The following NFKBID variants were observed in gnomAD, a reference collection of about 807,000 sequenced individuals.
NFKBID encodes NFKB inhibitor delta, also known as NF-kappa-B inhibitor delta.
In NFKBID, 26 loss-of-function variants were observed where a neutral mutation model predicts 53.4. That is an observed-to-expected ratio of 0.49 (90% confidence interval 0.36 to 0.68). The LOEUF (loss-of-function observed/expected upper bound fraction) is 0.68, where lower values mean the gene tolerates loss of function less well. Among genes scored for constraint, NFKBID ranks in the 30% least tolerant of loss-of-function variants. The pLI is 0.00. For synonymous variants in NFKBID, 262 were observed against 259.8 expected, an observed-to-expected ratio of 1.01 and a Z score of -0.08; for missense variants, 493 against 614.1, an observed-to-expected ratio of 0.80 and a Z score of 2.08.
Position 35,897,094 on chromosome 19 carries a change from C to T in NFKBID, c.433-36G>A, listed in dbSNP as rs970387040. On this transcript the variant is annotated intron_variant, in intron 4 of 11. Transcript: ENST00000641389. ...GAAGATCCTACATAGAACTGGGTGT[C>T]TGGGGGGTCCTGGAGGGTGCAGGTG... The T allele has an allele frequency of 3.8e-6, 6 of 1,582,580 alleles. No individual in the cohort carries two copies. The African/African-American group carries it at 8.3e-5, about 22-fold the overall frequency.
intron 3 of NFKBID, among the ~76,000 whole-genome samples, chr19:35,898,183 T>C (rs765741696): frequency 4.6e-5 from 7 of 151,958 alleles, no homozygotes; most frequent in Non-Finnish European, 1.0e-4. Context: ...ACCCCGTTTC[T>C]ACAAAAATTT....
At chr19:35,900,368 G>A (rs1975493562) in intron 1 of NFKBID, 74 bp downstream of exon 1, 3 of 1,112,250 alleles carry the variant, frequency 2.7e-6, no homozygotes, top group Non-Finnish European at 2.3e-6. Context: ...CGTCCCTCAG[G>A]GCCTCGGGAG....
chr19:35,889,045 C>CAAAAA (rs537535858), intron 11 of NFKBID, among the ~76,000 whole-genome samples: 1 of 105,814 alleles, frequency 9.5e-6, no homozygotes. Flanking sequence ...ACTCCGCCTC[C>CAAAAA]AAAAAAAAAA....
chr19:35,891,230 T>C (rs763658350), intron 9 of NFKBID, among the ~76,000 whole-genome samples: 4 of 152,158 alleles, frequency 2.6e-5, no homozygotes, highest in Non-Finnish European at 5.9e-5. Context: ...CCCATCATAT[T>C]TGGGGGAAAA....
rs1276371723 is a variant in NFKBID at position 35,898,535 on chromosome 19, G to A, written c.166-3C>T. On this transcript the variant is annotated splice_region_variant and splice_polypyrimidine_tract_variant and intron_variant, in intron 2 of 11. Transcript: ENST00000641389. ...TCTGGGGGAGGGAGAAATTGTCCCT[G>A]TAGAGACAAAAGCAAAAAGGAACCC... The A allele has an allele frequency of 6.5e-7, 1 of 1,528,676 alleles. No homozygotes were observed. Among genetic ancestry groups the A allele is most frequent in the African/African-American group, 1.4e-5 (1 of 72,280 alleles). 94.7% of individuals were successfully genotyped at this position (1,528,676 alleles called of 1,614,324 possible).
chr19:35,889,909 G>A, exon 11 of NFKBID: 1 of 1,610,022 alleles, frequency 6.2e-7, no homozygotes. Context: ...GCCCGGCCCG[G>A]GCCGCAGCAG....
intron 11 of NFKBID, among the ~76,000 whole-genome samples, chr19:35,888,982 T>C (rs1316798154): frequency 6.6e-6 from 1 of 151,290 alleles, no homozygotes; most frequent in African/African-American, 2.4e-5. Context: ...GAGGTGGAGC[T>C]TGCGGTGAGC....
exon 1 of NFKBID, chr19:35,900,519 G>C: frequency 8.1e-7 from 1 of 1,231,786 alleles, no homozygotes; most frequent in East Asian, 3.2e-5. Context: ...TGTTTCCCCC[G>C]CGGAGCCGCC....
chr19:35,892,995 C>G (rs1044420958), intron 9 of NFKBID, among the ~76,000 whole-genome samples: 3 of 152,052 alleles, frequency 2.0e-5, no homozygotes, highest in Non-Finnish European at 4.4e-5. Flanking sequence ...TGAGACCCCC[C>G]CTCTCTACAA....
upstream of NFKBID, among the ~76,000 whole-genome samples, chr19:35,900,970 C>G (rs1401957052): frequency 6.6e-6 from 1 of 151,752 alleles, no homozygotes; most frequent in Non-Finnish European, 1.5e-5. Flanking sequence ...GTAGCTGACA[C>G]TACAGGTGCT....
intron 11 of NFKBID, 48 bp downstream of exon 11, chr19:35,889,841 GC>G (rs1568484251): frequency 2.6e-6 from 4 of 1,543,864 alleles, no homozygotes; most frequent in East Asian, 2.3e-5. Context: ...GTCATCCCGC[GC>G]CCGCGAGCTC....
rs529473931 is a variant in NFKBID at position 35,900,014 on chromosome 19, C to A, written c.61+428G>T. Among the ~76,000 whole-genome samples, 629 of 148,656 alleles carry A rather than the reference C, an allele frequency of 4.2e-3. 2 individuals are homozygous for A. The highest frequency in any genetic ancestry group is 6.5e-3 in the Non-Finnish European group (439 of 67,230). ...GAGGCAGGGTCACCGCCAGCGTAGA[C>A]CCTGAGGCCAGGCTCCGGACCCTTC... On this transcript the variant is annotated intron_variant, in intron 1 of 11. Coordinates refer to ENST00000641389, the Ensembl canonical transcript of NFKBID.
rs199629484 is a variant in NFKBID at position 35,896,563 on chromosome 19, T to A, written c.685-25A>T. 3 of 1,612,494 alleles carry A rather than the reference T, an allele frequency of 1.9e-6. No individual in the cohort carries two copies. The East Asian group carries it at 6.7e-5, about 36-fold the overall frequency. On this transcript the variant is annotated intron_variant, in intron 6 of 11. Transcript: ENST00000641389. This position sits in a 1 kb window ranked among gnomAD's most constrained non-coding sequence, Gnocchi z 5.7. ...TCTGCAGGCCACAGGAGAAGTCAGG[T>A]TGGGCTCCTGGTTCCCTCCCGTCAG... is the stretch of plus-strand genomic sequence containing the variant.
At chr19:35,892,543 C>CAAAAAAAAAAGAAAAAAAAAAAAAAAA (rs1974843064) in intron 9 of NFKBID, among the ~76,000 whole-genome samples, 1 of 112,270 alleles carries the variant, frequency 8.9e-6, no homozygotes, top group African/African-American at 3.4e-5. Context: ...GACTCCATCT[C>CAAAAAAAAAAGAAAAAAAAAAAAAAAA]AAAAAAAAAA....
In NFKBID at chr19:35,896,070, G is replaced by C. The variant is rs965314112; in HGVS notation, c.942C>G (p.Asp314Glu). Residue 314 changes from aspartate to glutamate, a missense_variant, in exon 9 of 12, where the codon GAC becomes GAG. Asp to Glu is a conservative substitution (Grantham distance 45, BLOSUM62 2). Transcript: ENST00000641389. The surrounding 1 kb of genome is among the most constrained non-coding windows in gnomAD (Gnocchi z 5.7). The stretch of plus-strand genomic sequence containing the variant: ...GTGTGCTCAGCACCCGGGGACAGAG[G>C]TCGGAAGGGCGCATAGCAACGTTAA... 6.2e-7 allele frequency: 1 copy of C among 1,614,150 alleles called. No homozygotes were observed. Among genetic ancestry groups the C allele is most frequent in the Non-Finnish European group, 8.5e-7 (1 of 1,179,960 alleles).
intron 10 of NFKBID, 106 bp downstream of exon 10, chr19:35,890,268 C>T: frequency 1.1e-6 from 1 of 897,720 alleles, no homozygotes; most frequent in Non-Finnish European, 1.8e-6. Context: ...CCCTGCAGAT[C>T]CCACACATCG....
At chr19:35,897,105 T>G in intron 4 of NFKBID, 47 bp from the exon 5 acceptor site, 1 of 1,575,564 alleles carries the variant, frequency 6.3e-7, no homozygotes, top group South Asian at 1.2e-5. Flanking sequence ...TGGGGGGTCC[T>G]GGAGGGTGCA....
chr19:35,899,602 T>G (rs1975431689), intron 1 of NFKBID: 1 of 146,032 alleles, frequency 6.8e-6, no homozygotes, highest in Non-Finnish European at 1.5e-5. Flanking sequence ...ATACAGTCTC[T>G]TTTTCAGGCC....
In NFKBID at chr19:35,890,062, A is replaced by C; in HGVS notation, c.1150-8T>G. The C allele has an allele frequency of 6.3e-7, 1 of 1,594,066 alleles. No individual in the cohort carries two copies. The highest frequency in any genetic ancestry group is 1.3e-5 in the African/African-American group (1 of 74,904). On this transcript the variant is annotated splice_region_variant and splice_polypyrimidine_tract_variant and intron_variant, in intron 10 of 11. Coordinates refer to ENST00000641389, the Ensembl canonical transcript of NFKBID. ...GGCTGTGTTCCCGTGGGCCTGGAAAAGTAAGGGGAGGGCTGGTGGGGATCT... is the reference window on the plus strand; with the variant it reads ...GGCTGTGTTCCCGTGGGCCTGGAAACGTAAGGGGAGGGCTGGTGGGGATCT...
Sources: gnomAD v4.1 joint callset for allele counts (sites outside exome capture counted in the v4.1 genomes callset) on GRCh38, gnomAD v4.1.1 for gene constraint, Gnocchi (gnomAD v3.1) non-coding constraint, MANE v1.5 for transcripts, NCBI Gene and HGNC (gene_info 2026-07-23, HGNC 2026-07-21) for gene names.